Variants in TBC1D4 observed in about 807,000 individuals in gnomAD.
TBC1D4 encodes TBC (Tre-2, BUB2, CDC16) domain-containing protein.
Under a neutral mutation model 142.5 loss-of-function variants are expected in TBC1D4, and 121 were observed. The ratio of observed to expected loss-of-function variants is 0.85; its 90% confidence interval spans 0.73 to 0.99. The LOEUF is 0.99. TBC1D4 is among the 50% of genes least tolerant of loss of function. The pLI, the probability that TBC1D4 is intolerant of heterozygous loss-of-function variation, is 0.00. For synonymous variants in TBC1D4, 630 were observed against 628.2 expected, an observed-to-expected ratio of 1.00 and a Z score of -0.04; for missense variants, 1,475 against 1,606.6, an observed-to-expected ratio of 0.92 and a Z score of 1.40.
intron 1 of TBC1D4, among the ~76,000 whole-genome samples, chr13:75,399,036 C>T (rs1435543739): frequency 6.6e-6 from 1 of 152,166 alleles, no homozygotes; most frequent in African/African-American, 2.4e-5. Flanking sequence ...GGGGGTACTA[C>T]ACTAGCTTAG....
intron 5 of TBC1D4, among the ~76,000 whole-genome samples, chr13:75,342,262 A>G (rs1880774858): frequency 2.0e-5 from 3 of 152,154 alleles, no homozygotes; most frequent in Admixed American, 2.0e-4. Context: ...ACCAGATACC[A>G]CTTTACACTA....
intron 1 of TBC1D4, among the ~76,000 whole-genome samples, chr13:75,370,591 G>A (rs1215938883): frequency 2.0e-5 from 3 of 152,132 alleles, no homozygotes; most frequent in Non-Finnish European, 4.4e-5. Flanking sequence ...AAGGAGAGCA[G>A]GCAAGGATGA....
intron 1 of TBC1D4, among the ~76,000 whole-genome samples, chr13:75,440,364 T>C (rs1380480782): frequency 6.6e-6 from 1 of 151,996 alleles, no homozygotes; most frequent in African/African-American, 2.4e-5. Flanking sequence ...ACTTTATCCT[T>C]CAAGCAAAGA....
rs1882553876 is a variant in TBC1D4 at position 75,361,915 on chromosome 13, A to G, written c.1080+111T>C. The stretch of plus-strand genomic sequence containing the variant: ...ATCTGCTTTGAAGGGGAAAACAAAT[A>G]AAAGTTAGATTATTCGTTATATAGA... On this transcript the variant is annotated intron_variant, in intron 2 of 20. Coordinates refer to ENST00000377636, the MANE Select transcript of TBC1D4 (RefSeq NM_014832.5). 3 of 1,319,892 alleles carry G rather than the reference A, an allele frequency of 2.3e-6. No homozygotes were observed. The East Asian group carries it at 7.1e-5, about 31-fold the overall frequency. The allele number at this position is 1,319,892 out of a possible 1,614,324, so 81.8% of individuals were successfully genotyped here. A position where few individuals can be genotyped will look rare whatever the true frequency, so the allele number is the denominator to read the frequency against.
intron 1 of TBC1D4, among the ~76,000 whole-genome samples, chr13:75,444,252 T>C (rs538703059): frequency 3.9e-5 from 6 of 152,302 alleles, no homozygotes; most frequent in African/African-American, 7.2e-5. Flanking sequence ...GCCTCCTGTA[T>C]AGCTGGGACT....
chr13:75,326,129 G>A, intron 10 of TBC1D4, 68 bp downstream of exon 10: 1 of 1,547,572 alleles, frequency 6.5e-7, no homozygotes, highest in Non-Finnish European at 8.9e-7. Flanking sequence ...AATCCACCTT[G>A]ACTCCAGAGT....
intron 19 of TBC1D4, among the ~76,000 whole-genome samples, chr13:75,290,984 A>G (rs1345724950): frequency 6.6e-6 from 1 of 152,170 alleles, no homozygotes; most frequent in Non-Finnish European, 1.5e-5. Context: ...ATGCTCATAA[A>G]GCATAATTGT....
At chr13:75,372,547 G>A (rs1352558965) in intron 1 of TBC1D4, among the ~76,000 whole-genome samples, 1 of 152,202 alleles carries the variant, frequency 6.6e-6, no homozygotes, top group Non-Finnish European at 1.5e-5. Flanking sequence ...TGGGATTATA[G>A]GCGTGAGCCT....
At chr13:75,412,404 T>G (rs1340027589) in intron 1 of TBC1D4, among the ~76,000 whole-genome samples, 1 of 152,124 alleles carries the variant, frequency 6.6e-6, no homozygotes, top group Non-Finnish European at 1.5e-5. Context: ...CACCTCAGGT[T>G]CCTGAGTAGC....
At chr13:75,406,324 T>C (rs1309390909) in intron 1 of TBC1D4, among the ~76,000 whole-genome samples, 1 of 152,238 alleles carries the variant, frequency 6.6e-6, no homozygotes, top group Non-Finnish European at 1.5e-5. Flanking sequence ...CCAAGATCAC[T>C]GGGCATCACC....
intron 13 of TBC1D4, among the ~76,000 whole-genome samples, chr13:75,312,040 C>G (rs1159128625): frequency 6.6e-6 from 1 of 152,110 alleles, no homozygotes; most frequent in Non-Finnish European, 1.5e-5. Flanking sequence ...GTGTTATTTT[C>G]TAGCTCTCAA....
intron 3 of TBC1D4, among the ~76,000 whole-genome samples, chr13:75,358,299 C>G (rs559581705): frequency 5.3e-4 from 80 of 152,158 alleles, no homozygotes; most frequent in Non-Finnish European, 1.1e-3. Context: ...ACAGCACTTA[C>G]GATCTCCCAG....
At chr13:75,376,313 T>A (rs1404645420) in intron 1 of TBC1D4, among the ~76,000 whole-genome samples, 1 of 152,092 alleles carries the variant, frequency 6.6e-6, no homozygotes, top group Non-Finnish European at 1.5e-5. Context: ...TTAAGCTGCA[T>A]CTACAGACAT....
intron 1 of TBC1D4, among the ~76,000 whole-genome samples, chr13:75,384,547 C>A (rs180852227): frequency 3.6e-4 from 46 of 128,066 alleles, no homozygotes; most frequent in African/African-American, 1.2e-3. Context: ...ATTTGGGAAC[C>A]AGAAAAGATA....
chr13:75,366,019 C>T (rs983441784), intron 1 of TBC1D4, among the ~76,000 whole-genome samples: 7 of 152,156 alleles, frequency 4.6e-5, no homozygotes, highest in African/African-American at 1.4e-4. Flanking sequence ...TAGGAAGTGA[C>T]GGTATGTTTC....
chr13:75,337,380 A>T (rs1880314007), intron 7 of TBC1D4, among the ~76,000 whole-genome samples: 1 of 152,330 alleles, frequency 6.6e-6, no homozygotes, highest in African/African-American at 2.4e-5. Flanking sequence ...CCTTTCCAAG[A>T]TGTATACTTT....
chr13:75,362,044 G>GTTC lies in TBC1D4; in HGVS notation c.1059_1061dup (p.Lys353dup). The stretch of plus-strand genomic sequence containing the variant: ...GGTGTACCTGGAAGAGCATGGTCCT[G>GTTC]TTCTTCTCCGAGTCCGAGGGCTGGA... On this transcript the variant is annotated inframe_insertion, in exon 2 of 21. Coordinates refer to ENST00000377636, the MANE Select transcript of TBC1D4 (RefSeq NM_014832.5). This position sits in a 1 kb window ranked among gnomAD's most constrained non-coding sequence, Gnocchi z 4.2. 1 of 1,614,180 alleles carries GTTC rather than the reference G, an allele frequency of 6.2e-7. No homozygotes were observed. The highest frequency in any genetic ancestry group is 1.7e-4 in the Middle Eastern group (1 of 6,060).
At chr13:75,328,711 C>G (rs1879484395) in intron 8 of TBC1D4, among the ~76,000 whole-genome samples, 1 of 152,160 alleles carries the variant, frequency 6.6e-6, no homozygotes, top group Non-Finnish European at 1.5e-5. Flanking sequence ...ATCCATGTGA[C>G]AGTGACCCTG....
chr13:75,383,646 T>C (rs1056002881), intron 1 of TBC1D4, among the ~76,000 whole-genome samples: 1 of 152,188 alleles, frequency 6.6e-6, no homozygotes, highest in African/African-American at 2.4e-5. Context: ...ATTATTATTG[T>C]TGCTAATTTC....
Sources: allele counts gnomAD v4.1 joint callset (sites outside exome capture counted in the v4.1 genomes callset), GRCh38; gene constraint gnomAD v4.1.1; non-coding constraint Gnocchi (gnomAD v3.1); transcripts MANE v1.5; gene names NCBI Gene and HGNC (gene_info 2026-07-23, HGNC 2026-07-21).